The following TRPM3 variants were observed in gnomAD, a reference collection of about 807,000 sequenced individuals.
TRPM3 encodes the protein transient receptor potential cation channel subfamily M member 3.
A neutral mutation model predicts 181.2 loss-of-function variants in TRPM3; 77 were observed. That is an observed-to-expected ratio of 0.42 (90% CI 0.35 to 0.51). TRPM3 has a LOEUF of 0.51. Among genes scored for constraint, TRPM3 ranks in the 20% least tolerant of loss-of-function variants. TRPM3 has a pLI of 0.01. For synonymous variants in TRPM3, 745 were observed against 796.4 expected, an observed-to-expected ratio of 0.94 and a Z score of 1.09; for missense variants, 1,759 against 2,196.7, an observed-to-expected ratio of 0.80 and a Z score of 3.98.
At chr9:71,400,725 T>C (rs1433624353) in intron 1 of TRPM3, among the ~76,000 whole-genome samples, 1 of 151,996 alleles carries the variant, frequency 6.6e-6, no homozygotes, top group Non-Finnish European at 1.5e-5. Context: ...AAAATATTAA[T>C]ACTGTACCAA....
At chr9:71,391,272 A>G (rs1588809794) in intron 1 of TRPM3, among the ~76,000 whole-genome samples, 1 of 151,996 alleles carries the variant, frequency 6.6e-6, no homozygotes, top group African/African-American at 2.4e-5. Flanking sequence ...TATTTTACAC[A>G]ACAGGAAACA....
intron 1 of TRPM3, among the ~76,000 whole-genome samples, chr9:71,140,081 G>A (rs1384683151): frequency 2.0e-5 from 3 of 152,138 alleles, no homozygotes; most frequent in African/African-American, 7.2e-5. Flanking sequence ...GAGAGGCCTA[G>A]AGAAAGACAG....
intron 1 of TRPM3, among the ~76,000 whole-genome samples, chr9:71,014,114 T>C (rs1437063300): frequency 6.6e-6 from 1 of 152,028 alleles, no homozygotes; most frequent in Non-Finnish European, 1.5e-5. Context: ...TTCAGATATA[T>C]AGTGTTTTTA....
At chr9:71,121,754 A>T (rs2073678896), upstream of TRPM3, 2 of 385,304 alleles carry the variant, frequency 5.2e-6, no homozygotes, top group Non-Finnish European at 7.1e-6. Context: ...ATGAAGCCAG[A>T]ACGGGAAACT....
At chr9:71,135,629 C>T (rs1013998814) in intron 1 of TRPM3, among the ~76,000 whole-genome samples, 2 of 152,150 alleles carry the variant, frequency 1.3e-5, no homozygotes, top group African/African-American at 4.8e-5. Flanking sequence ...TTACTTAATA[C>T]TACAGAGCTC....
intron 1 of TRPM3, among the ~76,000 whole-genome samples, chr9:71,380,376 T>A (rs1171047926): frequency 6.6e-6 from 1 of 152,068 alleles, no homozygotes; most frequent in African/African-American, 2.4e-5. Context: ...GCTTGTGAGT[T>A]GGTAATATTA....
At chr9:70,660,904 G>C (rs1366820678) in intron 9 of TRPM3, among the ~76,000 whole-genome samples, 1 of 151,978 alleles carries the variant, frequency 6.6e-6, no homozygotes, top group Non-Finnish European at 1.5e-5. Context: ...AAATGATAGA[G>C]AAAGAGGGAA....
chr9:71,246,065 A>G (rs1395933563), intron 1 of TRPM3, among the ~76,000 whole-genome samples: 1 of 152,232 alleles, frequency 6.6e-6, no homozygotes, highest in Admixed American at 6.5e-5. Flanking sequence ...TTAAAATTAC[A>G]CAATGGTACT....
At chr9:71,422,342 G>A (rs1407500595) in intron 1 of TRPM3, among the ~76,000 whole-genome samples, 1 of 151,984 alleles carries the variant, frequency 6.6e-6, no homozygotes, top group Non-Finnish European at 1.5e-5. Flanking sequence ...ATTATAAACA[G>A]ATACAGCAAG....
At chr9:71,126,925 C>A (rs2074068019) in intron 1 of TRPM3, among the ~76,000 whole-genome samples, 1 of 152,088 alleles carries the variant, frequency 6.6e-6, no homozygotes, top group African/African-American at 2.4e-5. Context: ...CCTCTAACTT[C>A]CAAGTCAAGT....
chr9:71,108,540 A>T (rs2070289135), intron 1 of TRPM3, among the ~76,000 whole-genome samples: 1 of 152,206 alleles, frequency 6.6e-6, no homozygotes. Context: ...GATTTTCCAT[A>T]GGAAAATGGG....
intron 1 of TRPM3, among the ~76,000 whole-genome samples, chr9:71,117,523 G>T (rs1422592563): frequency 6.6e-6 from 1 of 151,934 alleles, no homozygotes; most frequent in Non-Finnish European, 1.5e-5. Flanking sequence ...TGCATAGCAG[G>T]CTTCGGACAC....
intron 22 of TRPM3, among the ~76,000 whole-genome samples, chr9:70,555,869 G>C (rs2047569743): frequency 6.6e-6 from 1 of 152,160 alleles, no homozygotes; most frequent in African/African-American, 2.4e-5. Context: ...ACAAAGAGCA[G>C]AAATAACTGC....
chr9:71,365,404 A>C (rs570266313), intron 1 of TRPM3, among the ~76,000 whole-genome samples: 2 of 152,222 alleles, frequency 1.3e-5, no homozygotes, highest in South Asian at 4.1e-4. Flanking sequence ...TATTTTTCTC[A>C]TCTTATAAAA....
At chr9:70,883,019 A>AT (rs1157144642) in intron 1 of TRPM3, among the ~76,000 whole-genome samples, 1 of 152,244 alleles carries the variant, frequency 6.6e-6, no homozygotes, top group Non-Finnish European at 1.5e-5. Context: ...CCTGTAACAT[A>AT]ATAACAATGG....
At chr9:71,263,771 A>C (rs868828812) in intron 1 of TRPM3, among the ~76,000 whole-genome samples, 6 of 151,996 alleles carry the variant, frequency 3.9e-5, no homozygotes, top group Non-Finnish European at 7.4e-5. Context: ...AAACACACCT[A>C]TTCTTTTTCC....
chr9:70,924,390 T>C (rs1045918656), intron 1 of TRPM3, among the ~76,000 whole-genome samples: 7 of 152,200 alleles, frequency 4.6e-5, no homozygotes, highest in Admixed American at 3.9e-4. Context: ...CTTCAAAGCA[T>C]GAATTTAATG....
chr9:70,840,824 T>C (rs1311069490), intron 5 of TRPM3, among the ~76,000 whole-genome samples: 1 of 152,138 alleles, frequency 6.6e-6, no homozygotes, highest in Non-Finnish European at 1.5e-5. Flanking sequence ...CTGCAAATGC[T>C]TAGGCAACTA....
intron 8 of TRPM3, among the ~76,000 whole-genome samples, chr9:70,759,051 A>T (rs568144050): frequency 1.3e-5 from 2 of 152,346 alleles, no homozygotes; most frequent in Admixed American, 6.5e-5. Flanking sequence ...GACAACCTAC[A>T]GAATGAGATA....
Sources: allele counts gnomAD v4.1 joint callset (sites outside exome capture counted in the v4.1 genomes callset), GRCh38; gene constraint gnomAD v4.1.1; transcripts MANE v1.5; gene names NCBI Gene and HGNC (gene_info 2026-07-23, HGNC 2026-07-21).